The following CA12 variants were observed in gnomAD, a reference collection of about 807,000 sequenced individuals.
CA12 encodes carbonate dehydratase XII.
In CA12, 36 loss-of-function variants were observed where a neutral mutation model predicts 46.8. The observed-to-expected ratio is 0.77, with a 90% CI of 0.59 to 1.02. The LOEUF is 1.02. Ranked by LOEUF, CA12 falls within the 50% of genes least tolerant of loss-of-function variation. The pLI, the probability that CA12 is intolerant of heterozygous loss-of-function variation, is 0.00. For synonymous variants in CA12, 202 were observed against 187.0 expected (o/e 1.08, Z -0.65); for missense variants, 436 against 451.4 (o/e 0.97, Z 0.31).
chr15:63,349,096 C>G (rs1236492683), intron 2 of CA12, among the ~76,000 whole-genome samples: 1 of 152,122 alleles, frequency 6.6e-6, no homozygotes, highest in Admixed American at 6.5e-5. Flanking sequence ...TGTCCCAACA[C>G]TTCAGTGGGT....
rs1230721888 is a variant in CA12 at position 63,330,689 on chromosome 15, G to A, written c.875-2559C>T. 1.5e-5 allele frequency among the ~76,000 whole-genome samples: 2 copies of A among 130,332 alleles called. No individual in the cohort carries two copies. 85.5% of individuals were successfully genotyped at this position (130,332 alleles called of 152,430 possible). On this transcript the variant is annotated intron_variant, in intron 8 of 10. Coordinates refer to ENST00000178638, the MANE Select transcript of CA12 (RefSeq NM_001218.5). This position sits in a 1 kb window ranked among gnomAD's most constrained non-coding sequence, Gnocchi z 4.0. Reference sequence around the variant, plus strand: ...GGAGAGCAAGGCCCCAGCAAGGGTGGGGCTTTTCTCAGGGCACATGCCCTG... The same window carrying A: ...GGAGAGCAAGGCCCCAGCAAGGGTGAGGCTTTTCTCAGGGCACATGCCCTG...
intron 2 of CA12, among the ~76,000 whole-genome samples, chr15:63,354,807 C>A (rs2039274895): frequency 6.6e-6 from 1 of 152,092 alleles, no homozygotes; most frequent in Non-Finnish European, 1.5e-5. Context: ...AGAGGTGAAC[C>A]ATAAGGCTGG....
At chr15:63,359,622 T>C (rs1369319100) in intron 2 of CA12, among the ~76,000 whole-genome samples, 1 of 152,200 alleles carries the variant, frequency 6.6e-6, no homozygotes, top group African/African-American at 2.4e-5. Flanking sequence ...CTAAGATCTA[T>C]ATGCTATATG....
chr15:63,347,231 C>T (rs189537925), intron 2 of CA12, among the ~76,000 whole-genome samples: 3 of 152,174 alleles, frequency 2.0e-5, no homozygotes, highest in African/African-American at 4.8e-5. Flanking sequence ...AAAATAATTG[C>T]GGTTTTTGCC....
At position 63,341,154 on chromosome 15, in the gene CA12, A is replaced by G. The variant is rs145544856; in HGVS notation, c.526-371T>C. Among the ~76,000 whole-genome samples the G allele has an allele frequency of 2.7e-3, 409 of 152,316 alleles. No individual in the cohort carries two copies. The highest frequency in any genetic ancestry group is 9.2e-3 in the African/African-American group (382 of 41,566). Reference sequence around the variant, plus strand: ...GTCAGACAAATGAGCATGTTGGGAAATGAGGTACATACAGCCTCATTAGGA... The same window carrying G: ...GTCAGACAAATGAGCATGTTGGGAAGTGAGGTACATACAGCCTCATTAGGA... On this transcript the variant is annotated intron_variant, in intron 5 of 10. Transcript: ENST00000178638. This position sits in a 1 kb window ranked among gnomAD's most constrained non-coding sequence, Gnocchi z 5.2.
chr15:63,340,265 G>A lies in CA12; in HGVS notation c.747+23C>T, dbSNP rs774661906. On this transcript the variant is annotated intron_variant, in intron 7 of 10. Transcript: ENST00000178638. This position sits in a 1 kb window ranked among gnomAD's most constrained non-coding sequence, Gnocchi z 4.4. ...GGACTGAGGTGCCGCGTGGACTCTGGCTGAGTCTGGCACGACAGTTACCTG... is the reference window on the plus strand; with the variant it reads ...GGACTGAGGTGCCGCGTGGACTCTGACTGAGTCTGGCACGACAGTTACCTG... 6.2e-6 allele frequency: 10 copies of A among 1,613,810 alleles called. No homozygotes were observed. The highest frequency in any genetic ancestry group is 2.2e-5 in the East Asian group (1 of 44,882).
At chr15:63,376,936 C>G (rs1305800418) in intron 1 of CA12, among the ~76,000 whole-genome samples, 7 of 152,122 alleles carry the variant, frequency 4.6e-5, no homozygotes, top group Non-Finnish European at 1.5e-5. Context: ...AGCCACAGCA[C>G]CCAGCTGGGA....
chr15:63,367,921 T>C (rs1208250728), intron 2 of CA12, among the ~76,000 whole-genome samples: 1 of 152,216 alleles, frequency 6.6e-6, no homozygotes, highest in Non-Finnish European at 1.5e-5. Context: ...CCAAAAAGTA[T>C]ACGTGAACTG....
chr15:63,340,666 G>A lies in CA12; in HGVS notation c.589+54C>T. On this transcript the variant is annotated intron_variant, in intron 6 of 10. Transcript: ENST00000178638. The surrounding 1 kb of genome is among the most constrained non-coding windows in gnomAD (Gnocchi z 4.4). ...TTTGCTTTTCTTAAAGTCACACAGG[G>A]CTGACTACCTCCTTCTCCAGCAGAG... 2 of 1,562,710 alleles carry A rather than the reference G, an allele frequency of 1.3e-6. No individual in the cohort carries two copies. The highest frequency in any genetic ancestry group is 1.8e-6 in the Non-Finnish European group (2 of 1,133,166).
In CA12 at chr15:63,330,179, G is replaced by C. The variant is rs116741025; in HGVS notation, c.875-2049C>G. On this transcript the variant is annotated intron_variant, in intron 8 of 10. Transcript: ENST00000178638. The surrounding 1 kb of genome is among the most constrained non-coding windows in gnomAD (Gnocchi z 4.0). ...GTAACCTGAACACAAGGACCAGCCT[G>C]TGGCTTGGGGAGGTACTGAGGACAT... Among the ~76,000 whole-genome samples the C allele has an allele frequency of 4.4e-3, 669 of 152,374 alleles. 8 individuals carry two copies. Among genetic ancestry groups the C allele is most frequent in the African/African-American group, 0.016 (658 of 41,590 alleles).
rs949464909 is a variant in CA12, at chr15:63,375,197, C to T, written c.106+461G>A. Among the ~76,000 whole-genome samples, 11 of 152,352 alleles carry T rather than the reference C, an allele frequency of 7.2e-5. No homozygotes were observed. The South Asian group carries it at 1.0e-3, about 14-fold the overall frequency. ...TTCATCCATCGCTAGCTTACAATCA[C>T]GGCAACAAGAAGTTAATTCTAGACA... On this transcript the variant is annotated intron_variant, in intron 2 of 10. Transcript: ENST00000178638.
chr15:63,328,952 C>G lies in CA12; in HGVS notation c.875-822G>C, dbSNP rs577556687. ...CTGATCTCAAGTGATCCACCTGCCT[C>G]GGCCTCCCAAACTATGGGGATTACA... is the stretch of plus-strand genomic sequence containing the variant. On this transcript the variant is annotated intron_variant, in intron 8 of 10. Coordinates refer to ENST00000178638, the MANE Select transcript of CA12 (RefSeq NM_001218.5). This position sits in a 1 kb window ranked among gnomAD's most constrained non-coding sequence, Gnocchi z 5.9. 1.3e-5 allele frequency among the ~76,000 whole-genome samples: 2 copies of G among 152,218 alleles called. No homozygotes were observed. The highest frequency in any genetic ancestry group is 2.9e-5 in the Non-Finnish European group (2 of 68,042).
rs2038836015 is a variant in CA12, at chr15:63,324,245, TC to T, written c.*2039del. Reference sequence around the variant, plus strand: ...CAAGAGGAGAGGAGAAATGCCACTGTCTTGCACCTCCCAGTAAGTCTCCCTT... The same window carrying T: ...CAAGAGGAGAGGAGAAATGCCACTGTTTGCACCTCCCAGTAAGTCTCCCTT... On this transcript the variant is annotated 3_prime_UTR_variant, in exon 11 of 11. Transcript: ENST00000178638. The T allele has an allele frequency of 6.6e-6, 1 of 152,282 alleles. No individual in the cohort carries two copies. Among genetic ancestry groups the T allele is most frequent in the Admixed American group, 6.5e-5 (1 of 15,286 alleles). The allele number at this position is 152,282 out of a possible 1,614,324, so 9.4% of individuals were successfully genotyped here.
In CA12 at chr15:63,323,744, T is replaced by C. The variant is rs1055570145; in HGVS notation, c.*2541A>G. The C allele has an allele frequency of 6.6e-6, 1 of 152,142 alleles. No homozygotes were observed. The highest frequency in any genetic ancestry group is 1.5e-5 in the Non-Finnish European group (1 of 67,978). 9.4% of individuals were successfully genotyped at this position (152,142 alleles called of 1,614,324 possible). A position where few individuals can be genotyped will look rare whatever the true frequency, so the allele number is the denominator to read the frequency against. On this transcript the variant is annotated 3_prime_UTR_variant, in exon 11 of 11. Coordinates refer to ENST00000178638, the MANE Select transcript of CA12 (RefSeq NM_001218.5). This position sits in a 1 kb window ranked among gnomAD's most constrained non-coding sequence, Gnocchi z 5.1. ...TAGTGAAGAGGAGAGGAATGTAGGG[T>C]GAATTTGAAATGTGATTAATAGAGT...
chr15:63,376,234 G>A (rs934225269), intron 1 of CA12, among the ~76,000 whole-genome samples: 4 of 152,168 alleles, frequency 2.6e-5, no homozygotes, highest in Non-Finnish European at 5.9e-5. Context: ...TCTTGAGCAG[G>A]TGCCTTCCAG....
chr15:63,376,363 T>C (rs929320997), intron 1 of CA12, among the ~76,000 whole-genome samples: 1 of 152,218 alleles, frequency 6.6e-6, no homozygotes, highest in African/African-American at 2.4e-5. Flanking sequence ...CTACCTTCCC[T>C]GCTTCCATTA....
chr15:63,340,535 G>T lies in CA12; in HGVS notation c.590-90C>A, dbSNP rs749432229. ...ACAGAGCGACTGAGCCTAGAAACAT[G>T]AACTAGCCCCTTTCAGGGTCATCTA... On this transcript the variant is annotated intron_variant, in intron 6 of 10. Transcript: ENST00000178638. The surrounding 1 kb of genome is among the most constrained non-coding windows in gnomAD (Gnocchi z 4.4). 466 of 1,550,508 alleles carry T rather than the reference G, an allele frequency of 3.0e-4. No individual in the cohort carries two copies. Among genetic ancestry groups the T allele is most frequent in the Non-Finnish European group, 4.0e-4 (448 of 1,122,616 alleles).
chr15:63,360,580 C>G (rs186486708), intron 2 of CA12, among the ~76,000 whole-genome samples: 12 of 152,346 alleles, frequency 7.9e-5, no homozygotes, highest in East Asian at 3.9e-4. Flanking sequence ...AATTGTGCCA[C>G]GTGCTCTCGC....
Position 63,381,760 on chromosome 15 carries a change from G to GGGCTCCCGGT in CA12, c.-50_-41dup. The GGGCTCCCGGT allele has an allele frequency of 7.0e-7, 1 of 1,437,198 alleles. No homozygotes were observed. Among genetic ancestry groups the GGGCTCCCGGT allele is most frequent in the Non-Finnish European group, 9.3e-7 (1 of 1,077,142 alleles). 89.0% of individuals were successfully genotyped at this position (1,437,198 alleles called of 1,614,324 possible). ...GCGGGGCGGGCGCGGGCTGTGCCGGGGGCTCCCGGTGGCCGCTCGCTCTCC... is the reference window on the plus strand; with the variant it reads ...GCGGGGCGGGCGCGGGCTGTGCCGGGGGCTCCCGGTGGCTCCCGGTGGCCGCTCGCTCTCC... On this transcript the variant is annotated 5_prime_UTR_variant, in exon 1 of 11. Coordinates refer to ENST00000178638, the MANE Select transcript of CA12 (RefSeq NM_001218.5).
Sources: allele counts gnomAD v4.1 joint callset (sites outside exome capture counted in the v4.1 genomes callset), GRCh38; gene constraint gnomAD v4.1.1; non-coding constraint Gnocchi (gnomAD v3.1); transcripts MANE v1.5; gene names NCBI Gene and HGNC (gene_info 2026-07-23, HGNC 2026-07-21).